WDR93: variants seen among roughly 807,000 people sequenced by gnomAD.
The protein encoded by WDR93 is WD repeat-containing protein 93.
WDR93 carries 73 observed loss-of-function variants against 82.9 expected under a neutral mutation model. The observed-to-expected ratio is 0.88, with a 90% CI of 0.73 to 1.07. The LOEUF (loss-of-function observed/expected upper bound fraction) is 1.07, where lower values mean the gene tolerates loss of function less well. Ranked by LOEUF, WDR93 falls within the 50% of genes least tolerant of loss-of-function variation. WDR93 has a pLI of 0.00. For missense variants in WDR93, 738 were observed against 826.0 expected (o/e 0.89, Z 1.31); for synonymous variants, 283 against 300.1 (o/e 0.94, Z 0.59).
chr15:89,732,911 C>A, intron 12 of WDR93, 95 bp from the exon 13 acceptor site: 1 of 1,185,846 alleles, frequency 8.4e-7, no homozygotes, highest in Non-Finnish European at 1.2e-6. Flanking sequence ...TCACATCCTA[C>A]AAGTCCCTCA....
At chr15:89,703,225 G>A (rs1192083606) in intron 3 of WDR93, 83 bp downstream of exon 3, 1 of 1,479,804 alleles carries the variant, frequency 6.8e-7, no homozygotes. Flanking sequence ...TGAGGTATTG[G>A]TGGGGCCAGG....
chr15:89,716,965 GA>G lies in WDR93; in HGVS notation c.795+20del. The stretch of plus-strand genomic sequence containing the variant: ...TTTAGAAATGGTAAGAAACTTTAAA[GA>G]AAATCTCCAGAGAGACTTAAGTTTG... On this transcript the variant is annotated intron_variant, in intron 7 of 16. Coordinates refer to ENST00000268130, the MANE Select transcript of WDR93 (RefSeq NM_020212.2). 6.7e-7 allele frequency: 1 copy of G among 1,483,126 alleles called. No homozygotes were observed. The highest frequency in any genetic ancestry group is 9.1e-7 in the Non-Finnish European group (1 of 1,101,746). The allele number at this position is 1,483,126 out of a possible 1,614,324, so 91.9% of individuals were successfully genotyped here.
chr15:89,743,228 C>G, intron 16 of WDR93, 64 bp from the exon 17 acceptor site: 1 of 1,564,756 alleles, frequency 6.4e-7, no homozygotes, highest in Admixed American at 1.7e-5. Context: ...GAGGTCTGCC[C>G]TGGGGGCTCG....
In WDR93 at chr15:89,733,224, G is replaced by C. The variant is rs1966897520; in HGVS notation, c.1544+5G>C. ...CATCAGTGTGCTTGTTGAGAGGTCA[G>C]TAGCTTGAGGGTGGGACGGGGTAAA... On this transcript the variant is annotated splice_donor_5th_base_variant and intron_variant, in intron 13 of 16. Coordinates refer to ENST00000268130, the MANE Select transcript of WDR93 (RefSeq NM_020212.2). 1 of 1,611,528 alleles carries C rather than the reference G, an allele frequency of 6.2e-7. No individual in the cohort carries two copies. The highest frequency in any genetic ancestry group is 8.5e-7 in the Non-Finnish European group (1 of 1,178,034).
chr15:89,734,530 T>G (rs1418451456), intron 13 of WDR93, among the ~76,000 whole-genome samples: 1 of 152,170 alleles, frequency 6.6e-6, no homozygotes, highest in Non-Finnish European at 1.5e-5. Flanking sequence ...TTTGCTAATG[T>G]CCCATTGGGC....
At chr15:89,691,669 G>T (rs1349574512) in intron 1 of WDR93, among the ~76,000 whole-genome samples, 1 of 152,188 alleles carries the variant, frequency 6.6e-6, no homozygotes, top group African/African-American at 2.4e-5. Context: ...GCAGTGAGCC[G>T]AGATTGTGCC....
intron 8 of WDR93, 39 bp from the exon 9 acceptor site, chr15:89,727,118 T>A (rs1966768114): frequency 1.3e-6 from 2 of 1,583,014 alleles, no homozygotes; most frequent in African/African-American, 1.4e-5. Flanking sequence ...AAAGGGGGAG[T>A]CACATGGCTT....
chr15:89,709,202 T>C (rs1965853205), intron 4 of WDR93, among the ~76,000 whole-genome samples: 1 of 152,222 alleles, frequency 6.6e-6, no homozygotes, highest in Admixed American at 6.5e-5. Flanking sequence ...GGTCAACAAC[T>C]GCAACTTCAG....
At chr15:89,705,513 A>G in intron 3 of WDR93, 41 bp from the exon 4 acceptor site, 1 of 1,220,404 alleles carries the variant, frequency 8.2e-7, no homozygotes, top group Non-Finnish European at 1.2e-6. Context: ...TCTTCAGCTC[A>G]ATTGTCTGTC....
intron 5 of WDR93, 139 bp from the exon 6 acceptor site, chr15:89,714,841 C>A: frequency 1.6e-6 from 1 of 641,144 alleles, no homozygotes; most frequent in Non-Finnish European, 2.7e-6. Flanking sequence ...ACTACTTCTC[C>A]TTCAGTATGT....
chr15:89,735,760 G>T (rs1967117897), intron 14 of WDR93, among the ~76,000 whole-genome samples: 1 of 152,232 alleles, frequency 6.6e-6, no homozygotes, highest in South Asian at 2.1e-4. Context: ...TCACCAGGCA[G>T]CTGCCTTAGA....
intron 8 of WDR93, among the ~76,000 whole-genome samples, chr15:89,724,678 G>T (rs1026969426): frequency 4.3e-4 from 65 of 152,150 alleles, no homozygotes; most frequent in African/African-American, 1.5e-3. Flanking sequence ...ACAAAAAAAA[G>T]ATTATTTAAA....
chr15:89,694,211 A>G (rs112869193), intron 1 of WDR93, among the ~76,000 whole-genome samples: 2 of 150,976 alleles, frequency 1.3e-5, no homozygotes, highest in Non-Finnish European at 2.9e-5. Context: ...TATCTGTACA[A>G]ATTTTTTGCA....
At chr15:89,718,807 G>A (rs189042853) in intron 7 of WDR93, among the ~76,000 whole-genome samples, 1 of 152,086 alleles carries the variant, frequency 6.6e-6, no homozygotes, top group African/African-American at 2.4e-5. Flanking sequence ...TAGAGACAGG[G>A]TTTCACTATG....
chr15:89,703,576 C>T (rs762804699), intron 3 of WDR93: 4 of 183,430 alleles, frequency 2.2e-5, no homozygotes, highest in African/African-American at 7.1e-5. Flanking sequence ...AGTATGGTAT[C>T]GAAAACTGTA....
chr15:89,690,912 C>G, intron 1 of WDR93, 55 bp downstream of exon 1: 1 of 427,474 alleles, frequency 2.3e-6, no homozygotes, highest in South Asian at 2.7e-5. Context: ...AGTCCCAGGA[C>G]TCCCCTTTAC....
chr15:89,690,515 G>A (rs1964811524), upstream of WDR93: 1 of 1,273,022 alleles, frequency 7.9e-7, no homozygotes, highest in Non-Finnish European at 1.1e-6. Context: ...GGGTGCAGGG[G>A]AATAGGCACG....
intron 7 of WDR93, chr15:89,721,163 A>G (rs1384877005): frequency 2.6e-5 from 4 of 152,190 alleles, no homozygotes; most frequent in Non-Finnish European, 4.4e-5. Context: ...TTAGCAAGAT[A>G]TATCTTTTTC....
intron 3 of WDR93, chr15:89,704,514 A>T (rs1019589631): frequency 6.6e-6 from 1 of 152,068 alleles, no homozygotes; most frequent in Non-Finnish European, 1.5e-5. Context: ...GAATGATGGA[A>T]TATGCATATG....
Sources: allele counts gnomAD v4.1 joint callset (sites outside exome capture counted in the v4.1 genomes callset), GRCh38; gene constraint gnomAD v4.1.1; transcripts MANE v1.5; gene names NCBI Gene and HGNC (gene_info 2026-07-23, HGNC 2026-07-21).